The following ADCY8 variants were observed in gnomAD, a reference collection of about 807,000 sequenced individuals.
ADCY8 encodes adenylate cyclase type 8.
A neutral mutation model predicts 119.7 loss-of-function variants in ADCY8; 51 were observed. The observed-to-expected ratio is 0.43, with a 90% confidence interval of 0.34 to 0.54. ADCY8 has a LOEUF of 0.54. Among genes scored for constraint, ADCY8 ranks in the 20% least tolerant of loss-of-function variants. ADCY8 has a pLI of 0.03. For missense variants in ADCY8, 1,383 were observed against 1,598.8 expected (o/e 0.87, Z 2.30); for synonymous variants, 665 against 651.0 (o/e 1.02, Z -0.33).
intron 5 of ADCY8, among the ~76,000 whole-genome samples, chr8:130,910,390 TC>T (rs1819943833): frequency 6.6e-6 from 1 of 152,152 alleles, no homozygotes; most frequent in Non-Finnish European, 1.5e-5. Flanking sequence ...GTCAACTGTT[TC>T]CTTCTTTCTA....
rs557606683 is a variant in ADCY8, at chr8:131,005,039, G to A, written c.961-14497C>T. Reference sequence around the variant, plus strand: ...TGCCAGACACTACCCCTGGCTCAGGGATACAGAACAAGTCTCTGTCCCCCT... The same window carrying A: ...TGCCAGACACTACCCCTGGCTCAGGAATACAGAACAAGTCTCTGTCCCCCT... On this transcript the variant is annotated intron_variant, in intron 1 of 17. Transcript: ENST00000286355. Among the ~76,000 whole-genome samples, 11 of 152,252 alleles carry A rather than the reference G, an allele frequency of 7.2e-5. No individual in the cohort carries two copies. In the East Asian group the frequency reaches 1.7e-3, roughly 24 times the overall value.
Position 130,782,923 on chromosome 8 carries a change from T to C in ADCY8, c.3268+768A>G, listed in dbSNP as rs57348229. On this transcript the variant is annotated intron_variant, in intron 17 of 17. Coordinates refer to ENST00000286355, the MANE Select transcript of ADCY8 (RefSeq NM_001115.3). ...GCAAAAGTTATTTTAAACTGCACTC[T>C]GGCAGCCAGAATGTCATTGTCTCAG... Among the ~76,000 whole-genome samples, 615 of 152,318 alleles carry C rather than the reference T, an allele frequency of 4.0e-3. 7 individuals are homozygous for C. Among genetic ancestry groups the C allele is most frequent in the African/African-American group, 0.015 (605 of 41,568 alleles).
intron 13 of ADCY8, among the ~76,000 whole-genome samples, chr8:130,818,588 C>T (rs778954012): frequency 7.9e-5 from 12 of 152,328 alleles, no homozygotes; most frequent in South Asian, 2.1e-4. Flanking sequence ...ACACATGCCC[C>T]CACCAGACGC....
intron 1 of ADCY8, among the ~76,000 whole-genome samples, chr8:130,999,520 A>C (rs1822879568): frequency 6.6e-6 from 1 of 151,942 alleles, no homozygotes; most frequent in African/African-American, 2.4e-5. Context: ...GGAAAGGGGG[A>C]TATCTCCCTG....
intron 6 of ADCY8, among the ~76,000 whole-genome samples, chr8:130,905,131 CA>C (rs1251837818): frequency 3.9e-5 from 6 of 152,050 alleles, no homozygotes; most frequent in Non-Finnish European, 2.9e-5. Flanking sequence ...GTAAGGTAGT[CA>C]AAACAGTGCA....
At chr8:130,990,070 G>A (rs918571004) in intron 2 of ADCY8, among the ~76,000 whole-genome samples, 3 of 152,138 alleles carry the variant, frequency 2.0e-5, no homozygotes, top group African/African-American at 7.2e-5. Context: ...AAAGAAAGAG[G>A]GTCAAAGATA....
At chr8:131,026,991 G>T (rs1823842832) in intron 1 of ADCY8, among the ~76,000 whole-genome samples, 1 of 152,100 alleles carries the variant, frequency 6.6e-6, no homozygotes, top group Non-Finnish European at 1.5e-5. Flanking sequence ...ATCAATCCCA[G>T]GCAGTCTGAA....
chr8:130,943,418 G>T lies in ADCY8; in HGVS notation c.1286C>A (p.Thr429Asn), dbSNP rs1821016178. The change falls in exon 4 of 18, where the codon ACC (threonine) becomes AAC (asparagine). Residue 429 changes from threonine to asparagine, a missense_variant. Around this residue, in one of 2 missense-constraint regions of ADCY8, gnomAD observed 928 missense variants for 1,163.5 expected, o/e 0.80. Coordinates refer to ENST00000286355, the MANE Select transcript of ADCY8 (RefSeq NM_001115.3). ...DVKGFTNLSTTLSAQELVRML... is the reference protein window; with the variant it reads ...DVKGFTNLSTNLSAQELVRML... ...CCTGACCAGCTCCTGAGCAGACAAG[G>T]TCGTGGAGAGGTTGGTAAATCCTTT... 3 of 1,515,648 alleles carry T rather than the reference G, an allele frequency of 2.0e-6. No individual in the cohort carries two copies. Among genetic ancestry groups the T allele is most frequent in the Non-Finnish European group, 1.8e-6 (2 of 1,117,892 alleles). The allele number at this position is 1,515,648 out of a possible 1,614,324, so 93.9% of individuals were successfully genotyped here.
chr8:131,017,566 T>C (rs532916036), intron 1 of ADCY8, among the ~76,000 whole-genome samples: 1 of 152,222 alleles, frequency 6.6e-6, no homozygotes, highest in African/African-American at 2.4e-5. Context: ...CAGAGAGCAC[T>C]GGGTGCTAGA....
chr8:130,894,337 T>C (rs1416484407), intron 7 of ADCY8, among the ~76,000 whole-genome samples: 1 of 152,158 alleles, frequency 6.6e-6, no homozygotes. Flanking sequence ...AATGGTGTAA[T>C]TGGTTTAGCT....
chr8:130,896,362 T>C (rs1819387724), intron 7 of ADCY8, among the ~76,000 whole-genome samples: 1 of 152,222 alleles, frequency 6.6e-6, no homozygotes, highest in Non-Finnish European at 1.5e-5. Context: ...AGCATCTTGA[T>C]AGGATTGCCT....
At chr8:130,848,482 C>T (rs1247173331) in intron 10 of ADCY8, among the ~76,000 whole-genome samples, 1 of 152,174 alleles carries the variant, frequency 6.6e-6, no homozygotes, top group Non-Finnish European at 1.5e-5. Flanking sequence ...TTTCCTTTAT[C>T]CACAGAGCCT....
intron 9 of ADCY8, among the ~76,000 whole-genome samples, chr8:130,854,891 C>T: frequency 7.9e-6 from 1 of 125,806 alleles, no homozygotes. Flanking sequence ...TTTTCCCTTT[C>T]CCTCCCTCCC....
intron 9 of ADCY8, among the ~76,000 whole-genome samples, chr8:130,856,098 G>A (rs1817722193): frequency 6.6e-6 from 1 of 151,554 alleles, no homozygotes; most frequent in African/African-American, 2.4e-5. Flanking sequence ...CCATGACCTG[G>A]TGAGCTCCTT....
chr8:130,877,911 T>C (rs1260062465), intron 8 of ADCY8, among the ~76,000 whole-genome samples: 1 of 152,108 alleles, frequency 6.6e-6, no homozygotes. Flanking sequence ...CCTGGTACCC[T>C]GGGATACAAG....
rs531245748 is a variant in ADCY8 at position 130,923,416 on chromosome 8, A to C, written c.1482-13550T>G. On this transcript the variant is annotated intron_variant, in intron 5 of 17. Transcript: ENST00000286355. ...TTCTTGTCCTGCCATATTGCTTGGC[A>C]GGGTGACCCTGCCACAAGGATTAAG... Among the ~76,000 whole-genome samples, 27 of 152,368 alleles carry C rather than the reference A, an allele frequency of 1.8e-4. No individual in the cohort carries two copies. The East Asian group carries it at 4.2e-3, about 24-fold the overall frequency.
intron 17 of ADCY8, 53 bp downstream of exon 17, chr8:130,783,638 G>T (rs1815158397): frequency 7.3e-7 from 1 of 1,369,756 alleles, no homozygotes; most frequent in Non-Finnish European, 1.0e-6. Flanking sequence ...GGGAGGGTCT[G>T]TTGGAGCAAG....
intron 1 of ADCY8, among the ~76,000 whole-genome samples, chr8:131,016,655 T>G (rs539191451): frequency 1.3e-4 from 20 of 152,130 alleles, no homozygotes; most frequent in African/African-American, 4.8e-4. Context: ...AGATGGTACA[T>G]TTAAGGGACT....
chr8:130,893,800 G>A (rs1219759349), intron 7 of ADCY8, among the ~76,000 whole-genome samples: 1 of 150,224 alleles, frequency 6.7e-6, no homozygotes, highest in Non-Finnish European at 1.5e-5. Context: ...ATGTTTGTGT[G>A]TGTGCATGTT....
Sources: gnomAD v4.1 joint callset for allele counts (sites outside exome capture counted in the v4.1 genomes callset) on GRCh38, gnomAD v4.1.1 for gene constraint, gnomAD v4.1.1 regional missense constraint, MANE v1.5 for transcripts, NCBI Gene and HGNC (gene_info 2026-07-23, HGNC 2026-07-21) for gene names.